The following COL4A5 variants were observed in gnomAD, a reference collection of about 807,000 sequenced individuals.
COL4A5 encodes collagen type IV alpha 5 chain.
COL4A5 carries 26 observed loss-of-function variants against 130.2 expected under a neutral mutation model. That is an observed-to-expected ratio of 0.20 (90% confidence interval 0.15 to 0.28). The LOEUF (loss-of-function observed/expected upper bound fraction) is 0.28. Ranked by LOEUF, COL4A5 falls within the 10% of genes least tolerant of loss-of-function variation. COL4A5 has a pLI of 1.00. For synonymous variants in COL4A5, 496 were observed against 439.6 expected (o/e 1.13, Z -1.60); for missense variants, 1,131 against 1,344.3 (o/e 0.84, Z 2.48).
intron 49 of COL4A5, among the ~76,000 whole-genome samples, 164 bp downstream of exon 49, chrX:108,687,858 T>A (rs2068578656): frequency 8.9e-6 from 1 of 112,391 alleles, no homozygotes; most frequent in African/African-American, 3.2e-5. Flanking sequence ...CTATGATTTT[T>A]AAATAAATAA....
At chrX:108,499,463 C>G (rs1160276521) in intron 1 of COL4A5, among the ~76,000 whole-genome samples, 2 of 111,011 alleles carry the variant, frequency 1.8e-5, no homozygotes, top group African/African-American at 6.5e-5. Flanking sequence ...GTTTTCATAT[C>G]AGTGTAATAT....
intron 37 of COL4A5, among the ~76,000 whole-genome samples, chrX:108,662,189 C>T (rs1307869614): frequency 2.8e-5 from 3 of 105,552 alleles, no homozygotes; most frequent in African/African-American, 1.0e-4. Context: ...ACATATTCAC[C>T]ATGGAATACT....
intron 1 of COL4A5, among the ~76,000 whole-genome samples, chrX:108,441,229 T>C (rs2064394230): frequency 8.9e-6 from 1 of 112,519 alleles, no homozygotes; most frequent in Admixed American, 9.4e-5. Flanking sequence ...CTCTGAAGAA[T>C]AAGTGTGTGA....
chrX:108,688,089 C>T (rs1048833778), intron 49 of COL4A5, among the ~76,000 whole-genome samples: 1 of 111,716 alleles, frequency 9.0e-6, no homozygotes, highest in Non-Finnish European at 1.9e-5. Context: ...TCATCAAGTT[C>T]ATAAGTTCTG....
intron 1 of COL4A5, among the ~76,000 whole-genome samples, chrX:108,530,971 A>G (rs1185520546): frequency 2.0e-5 from 2 of 99,923 alleles, no homozygotes; most frequent in Admixed American, 1.1e-4. Flanking sequence ...AATGTCCAAC[A>G]ATGATAGACT....
intron 1 of COL4A5, among the ~76,000 whole-genome samples, chrX:108,536,445 T>C (rs75839723): frequency 8.9e-6 from 1 of 111,843 alleles, no homozygotes; most frequent in Admixed American, 9.5e-5. Context: ...TTTAAAATAT[T>C]ACTGTAGTTT....
intron 1 of COL4A5, among the ~76,000 whole-genome samples, chrX:108,467,493 T>C (rs1243362263): frequency 9.0e-6 from 1 of 111,406 alleles, no homozygotes; most frequent in African/African-American, 3.3e-5. Flanking sequence ...CCCCTTGCAA[T>C]TCCATATGAA....
intron 1 of COL4A5, among the ~76,000 whole-genome samples, chrX:108,478,567 G>T (rs1252562448): frequency 9.0e-6 from 1 of 111,648 alleles, no homozygotes; most frequent in Non-Finnish European, 1.9e-5. Flanking sequence ...AGTTGGCATT[G>T]TATTTGTGAC....
chrX:108,494,913 AT>A (rs2065021261), intron 1 of COL4A5, among the ~76,000 whole-genome samples: 1 of 111,577 alleles, frequency 9.0e-6, no homozygotes, highest in African/African-American at 3.3e-5. Flanking sequence ...TGAGTCATGA[AT>A]ATTGGAAAAG....
chrX:108,550,382 C>A (rs902457144), intron 2 of COL4A5, among the ~76,000 whole-genome samples: 2 of 111,845 alleles, frequency 1.8e-5, no homozygotes, highest in Admixed American at 9.5e-5. Flanking sequence ...ATTTGAAAAT[C>A]AAAAATTGTG....
At chrX:108,440,298 T>C (rs748999936) in intron 1 of COL4A5, 92 bp downstream of exon 1, 1,017 of 610,127 alleles carry the variant, frequency 1.7e-3, no homozygotes, top group Non-Finnish European at 2.4e-3. Flanking sequence ...TATCTTCCTT[T>C]TGGCGTTGAC....
intron 1 of COL4A5, among the ~76,000 whole-genome samples, chrX:108,504,094 A>T (rs1012759442): frequency 1.8e-5 from 2 of 111,381 alleles, no homozygotes; most frequent in African/African-American, 6.5e-5. Flanking sequence ...GCCAAATACA[A>T]CCAACCGATC....
At chrX:108,595,430 C>G (rs1427834817) in intron 21 of COL4A5, 79 bp from the exon 22 acceptor site, 6 of 875,409 alleles carry the variant, frequency 6.9e-6, no homozygotes, top group Non-Finnish European at 1.0e-5. Context: ...TCCCTTAGTG[C>G]TAACATTTTT....
Position 108,460,667 on chromosome X carries a change from T to TC in COL4A5, c.81+20461_81+20462insC, listed in dbSNP as rs1195206233. ...ACCACGCCTGGCAAATTTTTTTTTT[T>TC]TTTTTTTTTTTTTTTTTTTTAGTAG... On this transcript the variant is annotated intron_variant, in intron 1 of 52. Transcript: ENST00000328300. 8.9e-3 allele frequency among the ~76,000 whole-genome samples: 735 copies of TC among 82,376 alleles called. 15 individuals carry two copies. Among genetic ancestry groups the TC allele is most frequent in the African/African-American group, 0.03 (672 of 22,209 alleles). 71.5% of individuals were successfully genotyped at this position (82,376 alleles called of 115,157 possible).
chrX:108,562,362 G>T (rs1452897537), intron 3 of COL4A5, among the ~76,000 whole-genome samples: 1 of 111,793 alleles, frequency 8.9e-6, no homozygotes, highest in East Asian at 2.8e-4. Flanking sequence ...TGGGATTAGG[G>T]ACTGAGTTTC....
At chrX:108,581,976 A>G (rs2066258099) in intron 16 of COL4A5, among the ~76,000 whole-genome samples, 1 of 110,779 alleles carries the variant, frequency 9.0e-6, no homozygotes, top group Non-Finnish European at 1.9e-5. Context: ...ATGTAAGTCC[A>G]AGAACATTAT....
intron 4 of COL4A5, among the ~76,000 whole-genome samples, chrX:108,565,613 T>C (rs2065955862): frequency 8.9e-6 from 1 of 112,193 alleles, no homozygotes; most frequent in Non-Finnish European, 1.9e-5. Flanking sequence ...GTTTATTCAA[T>C]TTACAACCCA....
intron 1 of COL4A5, among the ~76,000 whole-genome samples, chrX:108,501,664 T>A (rs1279115560): frequency 8.9e-6 from 1 of 112,312 alleles, no homozygotes; most frequent in East Asian, 2.8e-4. Context: ...GTGCTGGAAG[T>A]GAAGCAGCAT....
intron 2 of COL4A5, among the ~76,000 whole-genome samples, chrX:108,549,827 A>G (rs1209392743): frequency 9.0e-6 from 1 of 111,717 alleles, no homozygotes; most frequent in Non-Finnish European, 1.9e-5. Flanking sequence ...AACACAAATT[A>G]CCCATATCAG....
Sources: gnomAD v4.1 joint callset for allele counts (sites outside exome capture counted in the v4.1 genomes callset) on GRCh38, gnomAD v4.1.1 for gene constraint, MANE v1.5 for transcripts, NCBI Gene and HGNC (gene_info 2026-07-23, HGNC 2026-07-21) for gene names.